SLC38A4: variants seen among roughly 807,000 people sequenced by gnomAD.
SLC38A4 encodes solute carrier family 38 member 4.
Under a neutral mutation model 63.1 loss-of-function variants are expected in SLC38A4, and 20 were observed. The ratio of observed to expected loss-of-function variants is 0.32; its 90% CI spans 0.22 to 0.46. The LOEUF is 0.46. SLC38A4 is among the 20% of genes least tolerant of loss of function. The pLI, the probability that SLC38A4 is intolerant of heterozygous loss-of-function variation, is 1.00. For missense variants in SLC38A4, 526 were observed against 663.6 expected (o/e 0.79, Z 2.28); for synonymous variants, 230 against 225.5 (o/e 1.02, Z -0.18).
At chr12:46,803,270 C>A (rs1423653935) in intron 2 of SLC38A4, among the ~76,000 whole-genome samples, 2 of 151,946 alleles carry the variant, frequency 1.3e-5, no homozygotes, top group African/African-American at 4.8e-5. Context: ...TATGTCAATT[C>A]TTCATTATAG....
intron 1 of SLC38A4, among the ~76,000 whole-genome samples, chr12:46,806,965 C>A (rs1378765200): frequency 1.3e-5 from 2 of 151,512 alleles, no homozygotes; most frequent in African/African-American, 4.8e-5. Context: ...AGAGAAAGTT[C>A]CAGCGGGATC....
intron 1 of SLC38A4, chr12:46,824,448 C>T (rs1249297038): frequency 6.6e-6 from 1 of 152,192 alleles, no homozygotes; most frequent in African/African-American, 2.4e-5. Flanking sequence ...ACACTTTTCA[C>T]CTCTTCAAGT....
chr12:46,812,962 T>C (rs1400712657), intron 1 of SLC38A4, among the ~76,000 whole-genome samples: 1 of 152,068 alleles, frequency 6.6e-6, no homozygotes, highest in Non-Finnish European at 1.5e-5. Flanking sequence ...CTGTCTTTAG[T>C]ATTTTTTTAA....
At chr12:46,784,092 T>C (rs937415833) in intron 7 of SLC38A4, among the ~76,000 whole-genome samples, 1 of 152,066 alleles carries the variant, frequency 6.6e-6, no homozygotes, top group Non-Finnish European at 1.5e-5. Context: ...CACTGTCTAG[T>C]GGGCTGGCTC....
At chr12:46,816,085 G>C (rs1939437013) in intron 1 of SLC38A4, among the ~76,000 whole-genome samples, 3 of 151,858 alleles carry the variant, frequency 2.0e-5, no homozygotes, top group Admixed American at 2.0e-4. Context: ...GCAACACAAA[G>C]AGTATACGTG....
At position 46,766,173 on chromosome 12, in the gene SLC38A4, A is replaced by G. The variant is rs768367049; in HGVS notation, c.*528T>C. On this transcript the variant is annotated 3_prime_UTR_variant, in exon 17 of 17. Transcript: ENST00000266579. ...GCTCTAGACTGGTGTTTGACCATTC[A>G]TGTACCTTACAGAAACAGAAACAGT... 3.0e-6 allele frequency: 1 copy of G among 337,778 alleles called. No homozygotes were observed. The highest frequency in any genetic ancestry group is 2.1e-5 in the African/African-American group (1 of 46,606). 20.9% of individuals were successfully genotyped at this position (337,778 alleles called of 1,614,324 possible). A position where few individuals can be genotyped will look rare whatever the true frequency, so the allele number is the denominator to read the frequency against.
At chr12:46,816,562 G>C (rs879679512) in intron 1 of SLC38A4, among the ~76,000 whole-genome samples, 1 of 151,640 alleles carries the variant, frequency 6.6e-6, no homozygotes, top group Admixed American at 6.6e-5. Flanking sequence ...ATAAAAATAC[G>C]GGCAGCTGAT....
At chr12:46,801,723 T>C (rs556253160) in intron 2 of SLC38A4, among the ~76,000 whole-genome samples, 1 of 152,222 alleles carries the variant, frequency 6.6e-6, no homozygotes, top group Admixed American at 6.5e-5. Flanking sequence ...GCTTTTACAC[T>C]ACAATCAGTC....
At chr12:46,769,228 T>C in intron 15 of SLC38A4, 56 bp downstream of exon 15, 1 of 1,592,686 alleles carries the variant, frequency 6.3e-7, no homozygotes. Context: ...TCCCTGTCCA[T>C]CATTTAATGA....
chr12:46,790,747 A>T (rs1342995671), intron 3 of SLC38A4, among the ~76,000 whole-genome samples: 1 of 152,070 alleles, frequency 6.6e-6, no homozygotes, highest in Admixed American at 6.6e-5. Context: ...AAGATTGTAT[A>T]AAATAGATGA....
chr12:46,815,196 A>G (rs1321323500), intron 1 of SLC38A4, among the ~76,000 whole-genome samples: 1 of 148,814 alleles, frequency 6.7e-6, no homozygotes, highest in East Asian at 2.0e-4. Context: ...TATTAACTAG[A>G]TTTTTGGGCA....
chr12:46,794,921 C>A (rs938079502), intron 2 of SLC38A4, among the ~76,000 whole-genome samples: 1 of 150,096 alleles, frequency 6.7e-6, no homozygotes, highest in Non-Finnish European at 1.5e-5. Flanking sequence ...AATGTATATA[C>A]ATAAAAGATG....
At position 46,765,437 on chromosome 12, in the gene SLC38A4, A is replaced by T; in HGVS notation, c.*1264T>A. ...AATCCTATTTTAGATATGCTAAATTAAAAGAACAACTTTAGTATGATAAAA... is the reference window on the plus strand; with the variant it reads ...AATCCTATTTTAGATATGCTAAATTTAAAGAACAACTTTAGTATGATAAAA... On this transcript the variant is annotated 3_prime_UTR_variant, in exon 17 of 17. Coordinates refer to ENST00000266579, the MANE Select transcript of SLC38A4 (RefSeq NM_018018.5). The T allele has an allele frequency of 2.8e-6, 1 of 360,176 alleles. No homozygotes were observed. Among genetic ancestry groups the T allele is most frequent in the Non-Finnish European group, 5.3e-6 (1 of 188,432 alleles). 22.3% of individuals were successfully genotyped at this position (360,176 alleles called of 1,614,324 possible).
intron 1 of SLC38A4, among the ~76,000 whole-genome samples, chr12:46,808,575 G>T (rs1047925149): frequency 1.3e-5 from 2 of 151,702 alleles, no homozygotes; most frequent in Non-Finnish European, 2.9e-5. Context: ...TTTTGCCTCT[G>T]CCTTTCACCT....
intron 1 of SLC38A4, among the ~76,000 whole-genome samples, chr12:46,806,879 G>A (rs2532606): frequency 0.92 from 139,505 of 152,006 alleles, 64,340 homozygotes; most frequent in African/African-American, 0.97. Flanking sequence ...TGTACATTGA[G>A]TAAGAAATTT....
At chr12:46,787,787 A>T in intron 5 of SLC38A4, 129 bp downstream of exon 5, 6 of 620,972 alleles carry the variant, frequency 9.7e-6, no homozygotes, top group Non-Finnish European at 1.6e-5. Flanking sequence ...TGGTTGGGTG[A>T]CCAAGTGCCA....
At chr12:46,830,295 C>G (rs1939711172), upstream of SLC38A4, among the ~76,000 whole-genome samples, 1 of 120,686 alleles carries the variant, frequency 8.3e-6, no homozygotes, top group South Asian at 3.0e-4. Flanking sequence ...CTCTCTCTCT[C>G]TCTCACACAC....
chr12:46,775,680 G>A (rs905000808), intron 13 of SLC38A4, among the ~76,000 whole-genome samples: 1 of 151,946 alleles, frequency 6.6e-6, no homozygotes, highest in African/African-American at 2.4e-5. Context: ...ATATTTTTGG[G>A]CTCTTTCAAG....
chr12:46,807,068 A>G (rs773349851), intron 1 of SLC38A4, among the ~76,000 whole-genome samples: 9 of 152,064 alleles, frequency 5.9e-5, no homozygotes, highest in Non-Finnish European at 1.3e-4. Context: ...TGTTCTCGTC[A>G]TGACTATACC....
Sources: allele counts gnomAD v4.1 joint callset (sites outside exome capture counted in the v4.1 genomes callset), GRCh38; gene constraint gnomAD v4.1.1; transcripts MANE v1.5; gene names NCBI Gene and HGNC (gene_info 2026-07-23, HGNC 2026-07-21).